Variants in RIIAD1 observed in about 807,000 individuals in gnomAD.
The protein encoded by RIIAD1 is RIIa domain-containing protein 1.
Under a neutral mutation model 13.3 loss-of-function variants are expected in RIIAD1, and 15 were observed. The observed-to-expected ratio is 1.13, with a 90% CI of 0.76 to 1.74. The LOEUF (loss-of-function observed/expected upper bound fraction) is 1.74. Among genes scored for constraint, RIIAD1 ranks in the 40% most tolerant of loss-of-function variants. The probability of loss-of-function intolerance (pLI) is 0.00; values close to 1 mark genes in which losing one functional copy is unlikely to be tolerated. For synonymous variants in RIIAD1, 50 were observed against 43.3 expected (o/e 1.16, Z -0.61); for missense variants, 121 against 112.2 (o/e 1.08, Z -0.35).
In RIIAD1 at chr1:151,714,399, C is replaced by T. The variant is rs147501318; in HGVS notation, c.-89-21C>T. On this transcript the variant is annotated intron_variant, in intron 3 of 8. Transcript: ENST00000326413. ...TAAAAGTCATGTTTACGCCACTAAT[C>T]GCTGCTTTCCTTCTCTCCAGGTAAC... The T allele has an allele frequency of 7.6e-4, 492 of 646,486 alleles. 10 individuals carry two copies. Among genetic ancestry groups the T allele is most frequent in the East Asian group, 7.6e-3 (278 of 36,746 alleles). The allele number at this position is 646,486 out of a possible 1,614,324, so 40.0% of individuals were successfully genotyped here.
chr1:151,721,249 G>C (rs1449484644), upstream of RIIAD1, among the ~76,000 whole-genome samples: 1 of 152,174 alleles, frequency 6.6e-6, no homozygotes, highest in Non-Finnish European at 1.5e-5. Flanking sequence ...GCAGATTCGG[G>C]GAGACCTTTT....
chr1:151,727,508 G>GAAAC (rs1457678667), intron 2 of RIIAD1, 67 bp from the exon 3 acceptor site: 1 of 1,100,474 alleles, frequency 9.1e-7, no homozygotes, highest in Non-Finnish European at 1.4e-6. Flanking sequence ...TACAGGACCT[G>GAAAC]AAACAGTAGC....
At chr1:151,722,904 C>T (rs1673763880) in intron 2 of RIIAD1, among the ~76,000 whole-genome samples, 1 of 152,210 alleles carries the variant, frequency 6.6e-6, no homozygotes, top group Non-Finnish European at 1.5e-5. Context: ...AGCACCTCCA[C>T]AAAAGACAGG....
chr1:151,723,759 C>A (rs1673780873), intron 2 of RIIAD1, among the ~76,000 whole-genome samples: 1 of 152,150 alleles, frequency 6.6e-6, no homozygotes, highest in African/African-American at 2.4e-5. Flanking sequence ...CAAGTGGCAA[C>A]AAATTCTCAG....
At chr1:151,721,856 T>C (rs1043004098) in intron 1 of RIIAD1, 6 of 584,658 alleles carry the variant, frequency 1.0e-5, no homozygotes, top group Non-Finnish European at 1.8e-5. Context: ...GCCAGAGAAA[T>C]GGGCCGAAAT....
chr1:151,722,071 G>T lies in RIIAD1; in HGVS notation c.85-15G>T, dbSNP rs908852913. On this transcript the variant is annotated splice_polypyrimidine_tract_variant and intron_variant, in intron 1 of 4. Coordinates refer to ENST00000479191, the MANE Select transcript of RIIAD1 (RefSeq NM_001144956.3). ...TGTCTCCTAATGGAAGTGACCCTTTGTTCTTGCCCCCCAGATTCAGACTCG... is the reference window on the plus strand; with the variant it reads ...TGTCTCCTAATGGAAGTGACCCTTTTTTCTTGCCCCCCAGATTCAGACTCG... The T allele has an allele frequency of 3.2e-6, 5 of 1,541,738 alleles. No homozygotes were observed. Among genetic ancestry groups the T allele is most frequent in the Non-Finnish European group, 3.5e-6 (4 of 1,138,066 alleles).
At chr1:151,719,733 T>C (rs1369075280), upstream of RIIAD1, 2 of 662,772 alleles carry the variant, frequency 3.0e-6, no homozygotes, top group African/African-American at 1.8e-5. Context: ...ACTGAGACGC[T>C]GTTAAAAAAA....
At chr1:151,723,887 G>A (rs560389987) in intron 2 of RIIAD1, among the ~76,000 whole-genome samples, 1 of 152,180 alleles carries the variant, frequency 6.6e-6, no homozygotes, top group African/African-American at 2.4e-5. Flanking sequence ...TCAGACCTGA[G>A]GATCAGGCCG....
intron 2 of RIIAD1, among the ~76,000 whole-genome samples, chr1:151,726,103 T>A (rs146285818): frequency 6.6e-6 from 1 of 152,328 alleles, no homozygotes; most frequent in Non-Finnish European, 1.5e-5. Context: ...TCCCTGGATC[T>A]GGAATGTTTT....
At chr1:151,728,725 T>G (rs1647236119) in intron 3 of RIIAD1, 41 bp from the exon 4 acceptor site, 1 of 1,199,508 alleles carries the variant, frequency 8.3e-7, no homozygotes, top group South Asian at 1.3e-5. Flanking sequence ...ATCTTTTCCC[T>G]TTGGGTATAG....
At chr1:151,716,114 G>A (rs1164444592) in intron 4 of RIIAD1, 4 of 1,335,816 alleles carry the variant, frequency 3.0e-6, no homozygotes, top group Non-Finnish European at 4.0e-6. Flanking sequence ...TGGGGCCCGG[G>A]GGCCCAGCTG....
At chr1:151,726,216 TA>T (rs951128110) in intron 2 of RIIAD1, among the ~76,000 whole-genome samples, 1 of 152,198 alleles carries the variant, frequency 6.6e-6, no homozygotes, top group Admixed American at 6.5e-5. Context: ...CCCCTCTCAG[TA>T]ACCTCTCTCC....
At chr1:151,722,298 C>A in intron 2 of RIIAD1, 136 bp downstream of exon 2, 1 of 634,122 alleles carries the variant, frequency 1.6e-6, no homozygotes, top group Non-Finnish European at 2.8e-6. Context: ...TAAATACATA[C>A]CTTATGACAC....
chr1:151,715,557 T>C, intron 4 of RIIAD1: 1 of 1,288,076 alleles, frequency 7.8e-7, no homozygotes, highest in Non-Finnish European at 1.0e-6. Context: ...GCTGCTTATC[T>C]CCCAAACCAG....
chr1:151,728,263 C>T (rs546278342), intron 3 of RIIAD1: 1 of 167,912 alleles, frequency 6.0e-6, no homozygotes, highest in Admixed American at 5.8e-5. Context: ...TGGCGTCATC[C>T]TGCGAGAGCC....
At chr1:151,715,709 T>A in intron 4 of RIIAD1, 1 of 1,554,574 alleles carries the variant, frequency 6.4e-7, no homozygotes, top group Non-Finnish European at 8.6e-7. Context: ...GGTTTCCTGA[T>A]CACTCTAGCT....
At position 151,714,876 on chromosome 1, in the gene RIIAD1, G is replaced by C. The variant is rs1193079813; in HGVS notation, c.21+347G>C. Among the ~76,000 whole-genome samples the C allele has an allele frequency of 3.9e-5, 6 of 152,108 alleles. No individual in the cohort carries two copies. In the South Asian group the frequency reaches 8.3e-4, roughly 21 times the overall value. On this transcript the variant is annotated intron_variant, in intron 4 of 8. Coordinates refer to the RIIAD1 transcript ENST00000326413. Reference sequence around the variant, plus strand: ...CAGACACCTGGAGGCCTAAATACTGGTGGTGATGGGAGAGGGAGGACACTT... The same window carrying C: ...CAGACACCTGGAGGCCTAAATACTGCTGGTGATGGGAGAGGGAGGACACTT...
intron 3 of RIIAD1, among the ~76,000 whole-genome samples, chr1:151,714,137 G>A (rs1220297699): frequency 2.0e-5 from 3 of 152,134 alleles, no homozygotes; most frequent in Admixed American, 6.5e-5. Context: ...AACCAGCACC[G>A]AGATGCCAAT....
intron 2 of RIIAD1, among the ~76,000 whole-genome samples, chr1:151,725,250 A>G (rs1673807300): frequency 6.6e-6 from 1 of 150,836 alleles, no homozygotes; most frequent in Non-Finnish European, 1.5e-5. Context: ...AGCTGGGATT[A>G]CAGGTGCCTG....
Sources: allele counts gnomAD v4.1 joint callset (sites outside exome capture counted in the v4.1 genomes callset), GRCh38; gene constraint gnomAD v4.1.1; transcripts MANE v1.5; gene names NCBI Gene and HGNC (gene_info 2026-07-23, HGNC 2026-07-21).